The following CCDC15 variants were observed in gnomAD, a reference collection of about 807,000 sequenced individuals.
CCDC15 encodes the protein coiled-coil domain containing 15.
In CCDC15, 105 loss-of-function variants were observed where a neutral mutation model predicts 114.5. That is an observed-to-expected ratio of 0.92 (90% CI 0.78 to 1.08). The LOEUF is 1.08. CCDC15 is among the 50% of genes least tolerant of loss of function. The pLI, the probability that CCDC15 is intolerant of heterozygous loss-of-function variation, is 0.00. For missense variants in CCDC15, 1,105 were observed against 1,093.6 expected (o/e 1.01, Z -0.15); for synonymous variants, 334 against 377.8 (o/e 0.88, Z 1.34).
At chr11:125,016,779 T>A (rs757737637) in intron 13 of CCDC15, among the ~76,000 whole-genome samples, 1 of 152,198 alleles carries the variant, frequency 6.6e-6, no homozygotes, top group African/African-American at 2.4e-5. Flanking sequence ...TCTCATGACA[T>A]GCCTACCACA....
chr11:124,957,743 A>T (rs991142278), intron 2 of CCDC15, among the ~76,000 whole-genome samples: 1 of 152,156 alleles, frequency 6.6e-6, no homozygotes, highest in African/African-American at 2.4e-5. Context: ...TATGGGATAG[A>T]CATCTTGGAA....
At chr11:124,976,984 A>G (rs1212220822) in intron 5 of CCDC15, among the ~76,000 whole-genome samples, 1 of 152,156 alleles carries the variant, frequency 6.6e-6, no homozygotes, top group Non-Finnish European at 1.5e-5. Flanking sequence ...TATTACTTGT[A>G]TCAAGCTTTC....
chr11:125,007,957 G>C (rs923232122), intron 13 of CCDC15, among the ~76,000 whole-genome samples: 4 of 152,136 alleles, frequency 2.6e-5, no homozygotes. Flanking sequence ...AATAAGTCTT[G>C]AAGTCGGGTA....
At chr11:124,965,998 C>T (rs1947772014) in intron 4 of CCDC15, among the ~76,000 whole-genome samples, 2 of 152,236 alleles carry the variant, frequency 1.3e-5, no homozygotes, top group African/African-American at 2.4e-5. Context: ...GCACTGTCAT[C>T]TGAGAGACAG....
At chr11:124,977,391 T>C (rs948109330) in intron 5 of CCDC15, 87 bp from the exon 6 acceptor site, 6 of 1,268,002 alleles carry the variant, frequency 4.7e-6, no homozygotes, top group Non-Finnish European at 6.3e-6. Flanking sequence ...TAAGATAATT[T>C]TAGATCTTTC....
At chr11:124,961,679 C>G (rs1947659780) in intron 4 of CCDC15, among the ~76,000 whole-genome samples, 1 of 152,128 alleles carries the variant, frequency 6.6e-6, no homozygotes, top group South Asian at 2.1e-4. Context: ...GTGCCTGCCA[C>G]CATGACTGGC....
At chr11:124,956,370 A>G (rs7935871) in intron 2 of CCDC15, among the ~76,000 whole-genome samples, 121,368 of 151,898 alleles carry the variant, frequency 0.8, 48,699 homozygotes, top group East Asian at 0.93. Flanking sequence ...GAGCCCACGA[A>G]TTGTAGGCTG....
At position 124,954,372 on chromosome 11, in the gene CCDC15, TC is replaced by T. The variant is rs1947510864; in HGVS notation, c.-10+6del. Reference sequence around the variant, plus strand: ...TGGGACTCTCGGCTGCAGACACAGGTCCCCGCCCCTCCCTCTTTCTCCGGGT... The same window carrying T: ...TGGGACTCTCGGCTGCAGACACAGGTCCCGCCCCTCCCTCTTTCTCCGGGT... On this transcript the variant is annotated splice_donor_region_variant and intron_variant, in intron 1 of 15. Transcript: ENST00000344762. 1 of 200,520 alleles carries T rather than the reference TC, an allele frequency of 5.0e-6. No individual in the cohort carries two copies. The highest frequency in any genetic ancestry group is 5.4e-5 in the Admixed American group (1 of 18,594). 12.4% of individuals were successfully genotyped at this position (200,520 alleles called of 1,614,324 possible).
chr11:125,000,520 C>G (rs1452858425), intron 11 of CCDC15, among the ~76,000 whole-genome samples: 2 of 152,124 alleles, frequency 1.3e-5, no homozygotes, highest in Non-Finnish European at 2.9e-5. Flanking sequence ...TAGTTACAAT[C>G]AATGAGAGCA....
chr11:125,010,762 T>G (rs1412209969), intron 13 of CCDC15, among the ~76,000 whole-genome samples: 1 of 152,240 alleles, frequency 6.6e-6, no homozygotes, highest in Non-Finnish European at 1.5e-5. Context: ...TTTATGCACT[T>G]GATAGTTTCT....
chr11:125,039,958 G>A (rs978950387), intron 15 of CCDC15, among the ~76,000 whole-genome samples: 2 of 151,926 alleles, frequency 1.3e-5, no homozygotes, highest in Admixed American at 6.6e-5. Flanking sequence ...ACCACTTCTG[G>A]GAATCTTTGC....
chr11:125,040,967 TCTTA>T lies in CCDC15; in HGVS notation c.*260_*263del. 2.5e-6 allele frequency: 1 copy of T among 392,956 alleles called. No individual in the cohort carries two copies. Among genetic ancestry groups the T allele is most frequent in the Admixed American group, 3.9e-5 (1 of 25,658 alleles). 24.3% of individuals were successfully genotyped at this position (392,956 alleles called of 1,614,324 possible). A position where few individuals can be genotyped will look rare whatever the true frequency, so the allele number is the denominator to read the frequency against. Reference sequence around the variant, plus strand: ...AATATGATCAGACAAGTAAGGCTTCTCTTACTTTGCTCTGCTCTGATCAGAAGAG... The same window carrying T: ...AATATGATCAGACAAGTAAGGCTTCTCTTTGCTCTGCTCTGATCAGAAGAG... On this transcript the variant is annotated 3_prime_UTR_variant, in exon 16 of 16. Coordinates refer to ENST00000344762, the MANE Select transcript of CCDC15 (RefSeq NM_025004.3).
intron 6 of CCDC15, among the ~76,000 whole-genome samples, chr11:124,986,456 T>C (rs1403754818): frequency 6.6e-6 from 1 of 152,234 alleles, no homozygotes; most frequent in African/African-American, 2.4e-5. Context: ...CAATCTTTTC[T>C]CTTGATCCAT....
chr11:124,984,446 C>T (rs778511210), intron 6 of CCDC15, among the ~76,000 whole-genome samples: 7 of 152,090 alleles, frequency 4.6e-5, no homozygotes, highest in African/African-American at 9.7e-5. Flanking sequence ...CCCTGTCTCA[C>T]GGGCAAGATC....
chr11:124,969,156 A>G (rs1160167775), intron 4 of CCDC15, among the ~76,000 whole-genome samples: 1 of 152,192 alleles, frequency 6.6e-6, no homozygotes, highest in African/African-American at 2.4e-5. Flanking sequence ...CCTCAAAAAC[A>G]ACACAATACT....
chr11:124,959,175 T>C lies in CCDC15; in HGVS notation c.238T>C (p.Leu80=), dbSNP rs1373488261. 6 of 1,591,574 alleles carry C rather than the reference T, an allele frequency of 3.8e-6. No individual in the cohort carries two copies. Among genetic ancestry groups the C allele is most frequent in the Middle Eastern group, 1.7e-4 (1 of 5,924 alleles). ...KEQLRKKQEA[L]KHFQKQVKYR... is the part of the protein sequence containing the mutation. ...ACAGCTAAGAAAAAAACAAGAAGCT[T>C]TGAAACATTTTCAGAAACAAGTTAA... The change falls in exon 3 of 16, where the codon TTG becomes CTG. Residue 80 remains leucine, a synonymous_variant. Coordinates refer to ENST00000344762, the MANE Select transcript of CCDC15 (RefSeq NM_025004.3).
At chr11:125,019,147 T>C (rs1329742092) in intron 13 of CCDC15, among the ~76,000 whole-genome samples, 1 of 151,900 alleles carries the variant, frequency 6.6e-6, no homozygotes, top group East Asian at 1.9e-4. Context: ...TAAGATGAAA[T>C]GACTGTTAGG....
Position 124,986,901 on chromosome 11 carries a change from G to C in CCDC15, c.900+13G>C. 6.5e-7 allele frequency: 1 copy of C among 1,529,680 alleles called. No homozygotes were observed. Among genetic ancestry groups the C allele is most frequent in the East Asian group, 2.4e-5 (1 of 41,352 alleles). The allele number at this position is 1,529,680 out of a possible 1,614,324, so 94.8% of individuals were successfully genotyped here. A position where few individuals can be genotyped will look rare whatever the true frequency, so the allele number is the denominator to read the frequency against. ...CAGCAGAGTTCAGGTAAAGCAATAA[G>C]AGAAATTAAATTAATTGTGATTTGG... On this transcript the variant is annotated intron_variant, in intron 7 of 15. Coordinates refer to ENST00000344762, the MANE Select transcript of CCDC15 (RefSeq NM_025004.3).
intron 13 of CCDC15, among the ~76,000 whole-genome samples, chr11:125,019,227 G>A (rs113264489): frequency 4.0e-4 from 61 of 152,070 alleles, no homozygotes; most frequent in African/African-American, 1.4e-3. Context: ...TATATATTAA[G>A]TCCTAACTGT....
Sources: allele counts gnomAD v4.1 joint callset (sites outside exome capture counted in the v4.1 genomes callset), GRCh38; gene constraint gnomAD v4.1.1; transcripts MANE v1.5; gene names NCBI Gene and HGNC (gene_info 2026-07-23, HGNC 2026-07-21).